The following RNF2 variants were observed in gnomAD, a reference collection of about 807,000 sequenced individuals.
The protein encoded by RNF2 is ring finger protein 2, also known as E3 ubiquitin-protein ligase RING2.
Under a neutral mutation model 37.2 loss-of-function variants are expected in RNF2, and 6 were observed. That is an observed-to-expected ratio of 0.16 (90% CI 0.09 to 0.32). The LOEUF (loss-of-function observed/expected upper bound fraction) is 0.32. RNF2 is among the 10% of genes least tolerant of loss of function. The pLI, the probability that RNF2 is intolerant of heterozygous loss-of-function variation, is 1.00. For synonymous variants in RNF2, 133 were observed against 132.7 expected (o/e 1.00, Z -0.02); for missense variants, 251 against 404.0 (o/e 0.62, Z 3.25).
downstream of RNF2, chr1:185,102,603 AC>A (rs34982714): frequency 1.3e-5 from 2 of 152,162 alleles, no homozygotes; most frequent in Non-Finnish European, 2.9e-5. Context: ...CTTCTTCTTA[AC>A]CCCTAGCAAC....
chr1:185,100,174 A>G, intron 6 of RNF2, 26 bp from the exon 7 acceptor site: 1 of 1,521,774 alleles, frequency 6.6e-7, no homozygotes, highest in Non-Finnish European at 8.9e-7. Flanking sequence ...CAGTTTTCAT[A>G]ATTTTTTCTT....
chr1:185,091,354 T>C (rs1651760341), intron 2 of RNF2, among the ~76,000 whole-genome samples: 1 of 152,246 alleles, frequency 6.6e-6, no homozygotes, highest in African/African-American at 2.4e-5. Flanking sequence ...TAATATGTTA[T>C]CTTTAGCATT....
At chr1:185,077,987 T>C (rs991162053) in intron 1 of RNF2, among the ~76,000 whole-genome samples, 4 of 152,258 alleles carry the variant, frequency 2.6e-5, no homozygotes, top group African/African-American at 9.6e-5. Flanking sequence ...GGCTCACGCC[T>C]GTAATCCCAG....
intron 1 of RNF2, among the ~76,000 whole-genome samples, chr1:185,065,702 A>G (rs1172154102): frequency 6.6e-6 from 1 of 152,154 alleles, no homozygotes; most frequent in Non-Finnish European, 1.5e-5. Flanking sequence ...TTCCGGACAC[A>G]CCATCTTTAA....
At position 185,093,086 on chromosome 1, in the gene RNF2, A is replaced by T; in HGVS notation, c.274A>T (p.Lys92Ter). The T allele has an allele frequency of 6.2e-7, 1 of 1,613,870 alleles. No homozygotes were observed. Among genetic ancestry groups the T allele is most frequent in the Non-Finnish European group, 8.5e-7 (1 of 1,179,816 alleles). The change falls in exon 4 of 7, where the codon AAA becomes TAA. Residue 92 changes from lysine to a stop codon, truncating the protein, a stop_gained. Transcript: ENST00000367510. LOFTEE classifies it high-confidence loss of function. Reference protein sequence around the residue: ...SGNKECPTCRKKLVSKRSLRP... With the variant: ...SGNKECPTCR ...CAACAAAGAATGTCCTACCTGTCGG[A>T]AAAAACTAGTTTCCAAAAGATCACT... is the stretch of plus-strand genomic sequence containing the variant.
At chr1:185,059,512 C>T (rs1175143194) in intron 1 of RNF2, among the ~76,000 whole-genome samples, 1 of 152,196 alleles carries the variant, frequency 6.6e-6, no homozygotes, top group African/African-American at 2.4e-5. Flanking sequence ...TCTCTAATCA[C>T]ATTACAAGTA....
chr1:185,057,536 C>A (rs376878509), intron 1 of RNF2, among the ~76,000 whole-genome samples: 1 of 151,970 alleles, frequency 6.6e-6, no homozygotes, highest in Non-Finnish European at 1.5e-5. Context: ...CTGTTGTCCC[C>A]GTAAGTTTAC....
chr1:185,095,787 A>C (rs978968937), intron 4 of RNF2, among the ~76,000 whole-genome samples: 3 of 151,744 alleles, frequency 2.0e-5, no homozygotes, highest in Non-Finnish European at 4.4e-5. Flanking sequence ...TACATTTCAG[A>C]TTCTACTTCT....
Position 185,078,161 on chromosome 1 carries a change from C to T in RNF2, c.-2-9391C>T, listed in dbSNP as rs149035089. On this transcript the variant is annotated intron_variant, in intron 1 of 6. Transcript: ENST00000367510. ...GCTTGGGAGACTGAGGCTGGAGAAT[C>T]GCTTGAACCTGGGAGGCAGAGGTTG... Among the ~76,000 whole-genome samples, 947 of 152,240 alleles carry T rather than the reference C, an allele frequency of 6.2e-3. 14 individuals are homozygous for T. The highest frequency in any genetic ancestry group is 0.02 in the African/African-American group (816 of 41,532).
intron 1 of RNF2, among the ~76,000 whole-genome samples, chr1:185,061,725 A>T (rs1650613103): frequency 6.6e-6 from 1 of 152,222 alleles, no homozygotes; most frequent in Admixed American, 6.5e-5. Context: ...TTGCTGGCTG[A>T]AGTATTCAAG....
intron 1 of RNF2, among the ~76,000 whole-genome samples, chr1:185,066,270 T>G (rs984877584): frequency 6.6e-6 from 1 of 152,230 alleles, no homozygotes; most frequent in African/African-American, 2.4e-5. Flanking sequence ...ATTTAAATTT[T>G]TCAGCCTCAC....
At chr1:185,078,874 G>A (rs767048284) in intron 1 of RNF2, among the ~76,000 whole-genome samples, 8 of 152,080 alleles carry the variant, frequency 5.3e-5, no homozygotes, top group Non-Finnish European at 1.0e-4. Context: ...GTGAAACCTC[G>A]TCTCTACTAA....
At chr1:185,050,312 T>C (rs1440908888) in intron 1 of RNF2, among the ~76,000 whole-genome samples, 1 of 152,254 alleles carries the variant, frequency 6.6e-6, no homozygotes, top group Non-Finnish European at 1.5e-5. Context: ...GTGCTATGTT[T>C]TGGGAGCCCA....
intron 4 of RNF2, among the ~76,000 whole-genome samples, chr1:185,094,144 AT>A (rs954161391): frequency 7.0e-6 from 1 of 142,230 alleles, no homozygotes; most frequent in Non-Finnish European, 1.5e-5. Context: ...TTTTTTTTTT[AT>A]TTTTTTTATT....
At position 185,070,197 on chromosome 1, in the gene RNF2, C is replaced by G. The variant is rs1275260459; in HGVS notation, c.-2-17355C>G. Among the ~76,000 whole-genome samples the G allele has an allele frequency of 2.6e-5, 4 of 152,158 alleles. No homozygotes were observed. The East Asian group carries it at 7.7e-4, about 29-fold the overall frequency. Reference sequence around the variant, plus strand: ...CATGTATGGAATGTGCCAGGTACTTCATATGAATATCTCATTCAGTTTTGC... The same window carrying G: ...CATGTATGGAATGTGCCAGGTACTTGATATGAATATCTCATTCAGTTTTGC... On this transcript the variant is annotated intron_variant, in intron 1 of 6. Coordinates refer to ENST00000367510, the MANE Select transcript of RNF2 (RefSeq NM_007212.4).
intron 1 of RNF2, among the ~76,000 whole-genome samples, chr1:185,077,168 T>C (rs1205447848): frequency 6.6e-6 from 1 of 152,190 alleles, no homozygotes; most frequent in African/African-American, 2.4e-5. Context: ...CATTCCACCA[T>C]GTTACTGCTT....
chr1:185,072,983 CAT>C (rs1651031226), intron 1 of RNF2, among the ~76,000 whole-genome samples: 1 of 150,546 alleles, frequency 6.6e-6, no homozygotes, highest in African/African-American at 2.4e-5. Flanking sequence ...CTCAGAATGA[CAT>C]GTGTTTAGGT....
intron 2 of RNF2, among the ~76,000 whole-genome samples, chr1:185,089,152 A>C (rs969421236): frequency 6.6e-6 from 1 of 152,162 alleles, no homozygotes; most frequent in Non-Finnish European, 1.5e-5. Context: ...GATCCGTTGC[A>C]TGTGCAGTTC....
At chr1:185,070,798 C>T (rs12049293) in intron 1 of RNF2, among the ~76,000 whole-genome samples, 14,848 of 151,896 alleles carry the variant, frequency 0.098, 952 homozygotes, top group East Asian at 0.26. Context: ...GCCACCTCGC[C>T]GGCTCATTTT....
Sources: gnomAD v4.1 joint callset for allele counts (sites outside exome capture counted in the v4.1 genomes callset) on GRCh38, gnomAD v4.1.1 for gene constraint, MANE v1.5 for transcripts, NCBI Gene and HGNC (gene_info 2026-07-23, HGNC 2026-07-21) for gene names.